Variants in SYNJ2 observed in about 807,000 individuals in gnomAD.
The protein encoded by SYNJ2 is polyphosphatidylinositol phosphatase SYNJ2.
A neutral mutation model predicts 141.3 loss-of-function variants in SYNJ2; 116 were observed. That is an observed-to-expected ratio of 0.82 (90% CI 0.71 to 0.96). The LOEUF (loss-of-function observed/expected upper bound fraction) is 0.96, where lower values mean the gene tolerates loss of function less well. Ranked by LOEUF, SYNJ2 falls within the 40% of genes least tolerant of loss-of-function variation. SYNJ2 has a pLI of 0.00. For missense variants in SYNJ2, 1,873 were observed against 1,934.8 expected (o/e 0.97, Z 0.60); for synonymous variants, 745 against 777.7 (o/e 0.96, Z 0.70).
chr6:158,093,832 C>T lies in SYNJ2; in HGVS notation c.3744+728C>T, dbSNP rs112956650. The T allele has an allele frequency of 4.6e-4, 344 of 751,992 alleles. 4 individuals carry two copies. The highest frequency in any genetic ancestry group is 4.1e-3 in the African/African-American group (239 of 58,870). The allele number at this position is 751,992 out of a possible 1,614,324, so 46.6% of individuals were successfully genotyped here. A position where few individuals can be genotyped will look rare whatever the true frequency, so the allele number is the denominator to read the frequency against. On this transcript the variant is annotated intron_variant, in intron 26 of 26. Transcript: ENST00000355585. The stretch of plus-strand genomic sequence containing the variant: ...CAGATTCGCCATGTTCACATGCTCT[C>T]GTGCGGCCTCAGCCTACGAGAGGTT...
intron 23 of SYNJ2, among the ~76,000 whole-genome samples, chr6:158,087,659 T>C (rs892683948): frequency 6.6e-6 from 1 of 152,222 alleles, no homozygotes; most frequent in Non-Finnish European, 1.5e-5. Flanking sequence ...ATTGGGCTCA[T>C]TGTGGCTGAC....
chr6:158,006,137 G>A (rs1256014782), intron 1 of SYNJ2, among the ~76,000 whole-genome samples: 1 of 152,046 alleles, frequency 6.6e-6, no homozygotes, highest in East Asian at 1.9e-4. Context: ...GAAATCTTTT[G>A]ACCCACTTTC....
chr6:158,097,159 T>C lies in SYNJ2; in HGVS notation c.*795T>C, dbSNP rs973557308. On this transcript the variant is annotated 3_prime_UTR_variant, in exon 27 of 27. Transcript: ENST00000355585. The stretch of plus-strand genomic sequence containing the variant: ...TTATTAAATGAAACCTCACGGATCC[T>C]TTGTTCCGCTTATATTCCATGCATA... 5 of 152,272 alleles carry C rather than the reference T, an allele frequency of 3.3e-5. No individual in the cohort carries two copies. Among genetic ancestry groups the C allele is most frequent in the African/African-American group, 9.6e-5 (4 of 41,464 alleles). The allele number at this position is 152,272 out of a possible 1,614,324, so 9.4% of individuals were successfully genotyped here.
Position 157,990,984 on chromosome 6 carries a change from C to G in SYNJ2, c.127+8896C>G, listed in dbSNP as rs550671897. 2.0e-5 allele frequency among the ~76,000 whole-genome samples: 3 copies of G among 152,280 alleles called. No homozygotes were observed. In the East Asian group the frequency reaches 5.8e-4, roughly 29 times the overall value. On this transcript the variant is annotated intron_variant, in intron 1 of 26. Transcript: ENST00000355585. ...GCAATGGGACAGCCAGACCCCAGCCCTCAGCACCTGCCTCTCCCATCCCAA... is the reference window on the plus strand; with the variant it reads ...GCAATGGGACAGCCAGACCCCAGCCGTCAGCACCTGCCTCTCCCATCCCAA...
At chr6:158,036,390 A>T (rs1195157097) in intron 4 of SYNJ2, among the ~76,000 whole-genome samples, 1 of 152,220 alleles carries the variant, frequency 6.6e-6, no homozygotes, top group East Asian at 1.9e-4. Context: ...GGTAGACTGG[A>T]TAAAGAAAAT....
At chr6:158,081,743 T>A (rs989182823) in intron 20 of SYNJ2, among the ~76,000 whole-genome samples, 9 of 148,446 alleles carry the variant, frequency 6.1e-5, no homozygotes, top group Admixed American at 4.1e-4. Context: ...CATCTCAGCC[T>A]CTCAAGTAGC....
intron 1 of SYNJ2, among the ~76,000 whole-genome samples, chr6:157,986,699 T>G (rs748979891): frequency 1.3e-5 from 2 of 152,252 alleles, no homozygotes; most frequent in Non-Finnish European, 2.9e-5. Context: ...GCTCTTGTTT[T>G]GGCTGTGTGG....
intron 20 of SYNJ2, 64 bp from the exon 21 acceptor site, chr6:158,083,363 ATT>A: frequency 6.4e-7 from 1 of 1,567,650 alleles, no homozygotes; most frequent in Non-Finnish European, 8.7e-7. Context: ...GGTGAGAAGC[ATT>A]GTGTGATCAA....
chr6:158,003,939 G>A (rs1002263759), intron 1 of SYNJ2, among the ~76,000 whole-genome samples: 6 of 152,212 alleles, frequency 3.9e-5, no homozygotes, highest in African/African-American at 1.4e-4. Flanking sequence ...GCTGGAGACG[G>A]GGAGTTCCCC....
chr6:157,981,971 A>G lies in SYNJ2; in HGVS notation c.10A>G (p.Ser4Gly), dbSNP rs748314269. The change falls in exon 1 of 27, where the codon AGC becomes GGC. Residue 4 changes from serine to glycine, a missense_variant. Physicochemically the swap from Ser to Gly is moderately conservative, Grantham distance 56. Coordinates refer to ENST00000355585, the MANE Select transcript of SYNJ2 (RefSeq NM_003898.4). This position sits in a 1 kb window ranked among gnomAD's most constrained non-coding sequence, Gnocchi z 6.4. ...AGTGGGCCCGACCCTCATGGCCCTG[A>G]GCAAAGGGCTGCGGCTGCTGGGGCG... The part of the protein sequence containing the change: MAL[S>G]KGLRLLGRLG... The G allele has an allele frequency of 7.9e-7, 1 of 1,260,822 alleles. No homozygotes were observed. Among genetic ancestry groups the G allele is most frequent in the African/African-American group, 1.5e-5 (1 of 64,560 alleles). 78.1% of individuals were successfully genotyped at this position (1,260,822 alleles called of 1,614,324 possible). A position where few individuals can be genotyped will look rare whatever the true frequency, so the allele number is the denominator to read the frequency against.
At position 158,067,729 on chromosome 6, in the gene SYNJ2, GC is replaced by G. The variant is rs372026426; in HGVS notation, c.1718-916del. On this transcript the variant is annotated intron_variant, in intron 12 of 26. Transcript: ENST00000355585. Reference sequence around the variant, plus strand: ...GAGCCCCATCCCTTCCTGTGCACACGCCATCTGTGCCCTCCTTTCTGCCTCC... The same window carrying G: ...GAGCCCCATCCCTTCCTGTGCACACGCATCTGTGCCCTCCTTTCTGCCTCC... 244 of 985,098 alleles carry G rather than the reference GC, an allele frequency of 2.5e-4. 2 individuals carry two copies. In the African/African-American group the frequency reaches 3.9e-3, roughly 16 times the overall value. 61.0% of individuals were successfully genotyped at this position (985,098 alleles called of 1,614,324 possible).
At chr6:158,053,099 C>T (rs982131289) in intron 5 of SYNJ2, among the ~76,000 whole-genome samples, 1 of 152,150 alleles carries the variant, frequency 6.6e-6, no homozygotes, top group East Asian at 1.9e-4. Flanking sequence ...TTACATTTTC[C>T]TAGTGTTTCA....
chr6:158,071,449 G>A lies in SYNJ2; in HGVS notation c.1941-153G>A, dbSNP rs1288416904. Among the ~76,000 whole-genome samples, 5 of 152,120 alleles carry A rather than the reference G, an allele frequency of 3.3e-5. No individual in the cohort carries two copies. The highest frequency in any genetic ancestry group is 9.7e-5 in the African/African-American group (4 of 41,408). ...GGAGGCGGCCTCCTGACCAGGAGTC[G>A]ATGACGGCCACGGTGGCCACTGTGT... On this transcript the variant is annotated intron_variant, in intron 14 of 26. Transcript: ENST00000355585. The surrounding 1 kb of genome is among the most constrained non-coding windows in gnomAD (Gnocchi z 4.3).
intron 4 of SYNJ2, among the ~76,000 whole-genome samples, chr6:158,033,958 T>C (rs1779509262): frequency 6.6e-6 from 1 of 152,210 alleles, no homozygotes; most frequent in Non-Finnish European, 1.5e-5. Context: ...AATTTTTGCC[T>C]TGGTCGTGAA....
intron 4 of SYNJ2, among the ~76,000 whole-genome samples, chr6:158,036,134 C>CTATTATTTGACTTGCGTGAA (rs1401890095): frequency 6.6e-6 from 1 of 152,150 alleles, no homozygotes; most frequent in East Asian, 1.9e-4. Flanking sequence ...AGTCAAATGG[C>CTATTATTTGACTTGCGTGAA]TATTATTTGA....
In SYNJ2 at chr6:158,055,503, A is replaced by G. The variant is rs948389632; in HGVS notation, c.857+475A>G. Reference sequence around the variant, plus strand: ...TTCTAGAAAACAATTTTGGCATTTTATGTGTGTGTGTGTGTGTGTGTGTGT... The same window carrying G: ...TTCTAGAAAACAATTTTGGCATTTTGTGTGTGTGTGTGTGTGTGTGTGTGT... On this transcript the variant is annotated intron_variant, in intron 6 of 26. Transcript: ENST00000355585. Among the ~76,000 whole-genome samples the G allele has an allele frequency of 7.6e-3, 1,126 of 147,888 alleles. 8 individuals carry two copies. Among genetic ancestry groups the G allele is most frequent in the Non-Finnish European group, 0.013 (873 of 66,752 alleles).
At chr6:158,094,070 T>C (rs1783645689) in intron 26 of SYNJ2, 2 of 749,712 alleles carry the variant, frequency 2.7e-6, no homozygotes, top group South Asian at 2.7e-5. Flanking sequence ...AGCACGATGC[T>C]GCTTCCCCCC....
At chr6:158,038,892 G>A (rs1422962209) in intron 4 of SYNJ2, among the ~76,000 whole-genome samples, 1 of 152,272 alleles carries the variant, frequency 6.6e-6, no homozygotes, top group Non-Finnish European at 1.5e-5. Flanking sequence ...CAGGAAGGAG[G>A]GGCATGGAGC....
intron 1 of SYNJ2, among the ~76,000 whole-genome samples, chr6:157,988,173 T>TG (rs1038795531): frequency 4.6e-5 from 7 of 152,160 alleles, no homozygotes; most frequent in African/African-American, 7.2e-5. Context: ...GCCCGGGCGT[T>TG]GGGGTGGCAA....
Sources: gnomAD v4.1 joint callset for allele counts (sites outside exome capture counted in the v4.1 genomes callset) on GRCh38, gnomAD v4.1.1 for gene constraint, Gnocchi (gnomAD v3.1) non-coding constraint, MANE v1.5 for transcripts, NCBI Gene and HGNC (gene_info 2026-07-23, HGNC 2026-07-21) for gene names.